Variants in ZC3H14 observed in about 807,000 individuals in gnomAD.
The protein encoded by ZC3H14 is zinc finger CCCH-type containing 14.
Under a neutral mutation model 92.4 loss-of-function variants are expected in ZC3H14, and 31 were observed. That is an observed-to-expected ratio of 0.34 (90% CI 0.25 to 0.45). The LOEUF (loss-of-function observed/expected upper bound fraction) is 0.45, where lower values mean the gene tolerates loss of function less well. Ranked by LOEUF, ZC3H14 falls within the 20% of genes least tolerant of loss-of-function variation. The probability of loss-of-function intolerance (pLI) is 1.00; values close to 1 mark genes in which losing one functional copy is unlikely to be tolerated. For missense variants in ZC3H14, 781 were observed against 897.3 expected (o/e 0.87, Z 1.66); for synonymous variants, 321 against 300.9 (o/e 1.07, Z -0.69).
chr14:88,567,162 C>T (rs1323485069), intron 2 of ZC3H14, among the ~76,000 whole-genome samples: 1 of 145,946 alleles, frequency 6.9e-6, no homozygotes, highest in African/African-American at 2.5e-5. Context: ...GTTGCCCAGG[C>T]TGGAGTGCAG....
intron 6 of ZC3H14, chr14:88,574,337 C>T (rs1171239890): frequency 7.0e-6 from 2 of 285,304 alleles, no homozygotes; most frequent in Non-Finnish European, 1.4e-5. Context: ...CCTCCACCTC[C>T]CGGGTTCAAG....
chr14:88,609,733 C>T lies in ZC3H14; in HGVS notation c.2027C>T (p.Pro676Leu), dbSNP rs778736204. The change falls in exon 15 of 17, where the codon CCT becomes CTT. Residue 676 changes from proline (P) to leucine (L), a missense_variant. Around this residue, in one of 3 missense-constraint regions of ZC3H14, gnomAD observed 221 missense variants for 304.7 expected, o/e 0.73. Transcript: ENST00000251038. ...TTAGCAGTTGCACCACCAGCACCAC[C>T]TTCCAGTAGTCAGCTCTGCCGTTAC... ...PKPAVAPPAP[P>L]SSSQLCRYFP... 3 of 1,614,168 alleles carry T rather than the reference C, an allele frequency of 1.9e-6. No homozygotes were observed. Among genetic ancestry groups the T allele is most frequent in the Admixed American group, 3.3e-5 (2 of 60,026 alleles).
In ZC3H14 at chr14:88,620,563, C is replaced by A; in HGVS notation, c.*8812C>A. On this transcript the variant is annotated 3_prime_UTR_variant, in exon 17 of 17. Coordinates refer to ENST00000251038, the MANE Select transcript of ZC3H14 (RefSeq NM_024824.5). This position sits in a 1 kb window ranked among gnomAD's most constrained non-coding sequence, Gnocchi z 4.3. ...CTAGTACTTGCTATTATAGTTGGTG[C>A]CCAGTGGGTTTATAATTTAGCAAGA... The A allele has an allele frequency of 2.2e-6, 1 of 456,392 alleles. No individual in the cohort carries two copies. Among genetic ancestry groups the A allele is most frequent in the Non-Finnish European group, 3.8e-6 (1 of 266,392 alleles). The allele number at this position is 456,392 out of a possible 1,614,324, so 28.3% of individuals were successfully genotyped here.
chr14:88,583,188 G>A (rs1276453734), intron 9 of ZC3H14, among the ~76,000 whole-genome samples: 1 of 148,824 alleles, frequency 6.7e-6, no homozygotes, highest in Admixed American at 6.8e-5. Context: ...CTAGAGTACA[G>A]TGGCACAATT....
chr14:88,609,679 A>C (rs759906007), intron 14 of ZC3H14, 33 bp from the exon 15 acceptor site: 4 of 1,612,076 alleles, frequency 2.5e-6, no homozygotes, highest in Non-Finnish European at 3.4e-6. Context: ...TTCCAAACAG[A>C]TTGGAGATCA....
intron 9 of ZC3H14, among the ~76,000 whole-genome samples, chr14:88,593,873 T>G (rs550895528): frequency 7.5e-4 from 105 of 139,376 alleles, no homozygotes; most frequent in Non-Finnish European, 1.4e-3. Context: ...TTTAGTATTT[T>G]TGTGTTTCAA....
chr14:88,585,780 A>C (rs530591380), intron 9 of ZC3H14, among the ~76,000 whole-genome samples: 8 of 152,304 alleles, frequency 5.3e-5, no homozygotes, highest in African/African-American at 1.9e-4. Context: ...CCCCACTCTC[A>C]AACAGTAAAA....
In ZC3H14 at chr14:88,572,973, T is replaced by A; in HGVS notation, c.827T>A (p.Phe276Tyr). Reference protein sequence around the residue: ...LNSLEETYSPFFRNNSEKMSM... With the variant: ...LNSLEETYSPYFRNNSEKMSM... ...AGCTTAGAAGAAACGTATAGTCCGT[T>A]CTTTAGAAACAACTCGGAGAAAATG... is the stretch of plus-strand genomic sequence containing the variant. Residue 276 changes from phenylalanine (F) to tyrosine (Y), a missense_variant, in exon 6 of 17, where the codon TTC becomes TAC. By Grantham distance (22) the Phe-to-Tyr change is conservative. Around this residue, in one of 3 missense-constraint regions of ZC3H14, gnomAD observed 454 missense variants for 438.5 expected, o/e 1.04. Coordinates refer to ENST00000251038, the MANE Select transcript of ZC3H14 (RefSeq NM_024824.5). 9 of 1,614,122 alleles carry A rather than the reference T, an allele frequency of 5.6e-6. No homozygotes were observed. The highest frequency in any genetic ancestry group is 7.6e-6 in the Non-Finnish European group (9 of 1,180,026).
intron 13 of ZC3H14, chr14:88,608,443 A>G: frequency 3.1e-6 from 1 of 319,316 alleles, no homozygotes; most frequent in African/African-American, 2.2e-5. Flanking sequence ...TTCTGTGGAC[A>G]AGTTTTTAGT....
At chr14:88,567,316 T>C (rs911090160) in intron 2 of ZC3H14, among the ~76,000 whole-genome samples, 4 of 151,640 alleles carry the variant, frequency 2.6e-5, no homozygotes, top group South Asian at 2.1e-4. Flanking sequence ...AGGGTTTCAC[T>C]GTGTTAGCCA....
At chr14:88,578,219 A>C (rs1260262843) in intron 9 of ZC3H14, 79 bp downstream of exon 9, 1 of 1,532,264 alleles carries the variant, frequency 6.5e-7, no homozygotes, top group Non-Finnish European at 9.0e-7. Flanking sequence ...GATTTTTATG[A>C]AATATTACAC....
chr14:88,602,512 A>G (rs531669866), intron 11 of ZC3H14, among the ~76,000 whole-genome samples: 1 of 152,182 alleles, frequency 6.6e-6, no homozygotes, highest in East Asian at 1.9e-4. Flanking sequence ...TGTTCTGAGC[A>G]TTGATGCTAA....
Position 88,616,389 on chromosome 14 carries a change from GAGT to G in ZC3H14, c.*4642_*4644del. 3.9e-6 allele frequency: 3 copies of G among 773,018 alleles called. No homozygotes were observed. The highest frequency in any genetic ancestry group is 6.4e-6 in the Non-Finnish European group (3 of 471,284). 47.9% of individuals were successfully genotyped at this position (773,018 alleles called of 1,614,324 possible). ...CAGTGATTAGAATGCTTTTCAGCAT[GAGT>G]AGTGGATCTGCAAAACCAGGCTGTG... On this transcript the variant is annotated 3_prime_UTR_variant, in exon 17 of 17. Coordinates refer to ENST00000251038, the MANE Select transcript of ZC3H14 (RefSeq NM_024824.5).
intron 1 of ZC3H14, chr14:88,563,412 C>T (rs2079122884): frequency 7.0e-7 from 1 of 1,429,678 alleles, no homozygotes; most frequent in East Asian, 2.6e-5. Context: ...CCGGCTGGAG[C>T]CACCACCGCG....
In ZC3H14 at chr14:88,611,916, T is replaced by TA; in HGVS notation, c.*167dup. ...TGAAGTGTCTAATTTTTCAAGTTTG[T>TA]AAGTTTATTATGTGGTTTTAACATT... is the stretch of plus-strand genomic sequence containing the variant. On this transcript the variant is annotated 3_prime_UTR_variant, in exon 17 of 17. Transcript: ENST00000251038. 1.1e-6 allele frequency: 1 copy of TA among 940,170 alleles called. No individual in the cohort carries two copies. Among genetic ancestry groups the TA allele is most frequent in the Non-Finnish European group, 1.6e-6 (1 of 624,368 alleles). 58.2% of individuals were successfully genotyped at this position (940,170 alleles called of 1,614,324 possible).
At chr14:88,606,154 A>G (rs1266331496) in intron 12 of ZC3H14, among the ~76,000 whole-genome samples, 1 of 152,214 alleles carries the variant, frequency 6.6e-6, no homozygotes, top group Non-Finnish European at 1.5e-5. Flanking sequence ...TGTAGCTGTA[A>G]TTTTACTTAT....
intron 10 of ZC3H14, among the ~76,000 whole-genome samples, chr14:88,597,270 C>T (rs1454395061): frequency 6.6e-6 from 1 of 152,164 alleles, no homozygotes; most frequent in East Asian, 1.9e-4. Flanking sequence ...TTGCCTGTCT[C>T]CTTTCCTCTC....
At chr14:88,583,698 A>G (rs2082170969) in intron 9 of ZC3H14, among the ~76,000 whole-genome samples, 1 of 152,344 alleles carries the variant, frequency 6.6e-6, no homozygotes, top group Middle Eastern at 3.4e-3. Flanking sequence ...TTTACAATGC[A>G]TAGTTTTTGA....
intron 9 of ZC3H14, among the ~76,000 whole-genome samples, chr14:88,594,114 T>C (rs945639428): frequency 6.6e-6 from 1 of 152,148 alleles, no homozygotes; most frequent in Non-Finnish European, 1.5e-5. Flanking sequence ...CTCCAGAGGA[T>C]TTGTCACTCT....
Sources: allele counts gnomAD v4.1 joint callset (sites outside exome capture counted in the v4.1 genomes callset), GRCh38; gene constraint gnomAD v4.1.1; regional missense constraint gnomAD v4.1.1; non-coding constraint Gnocchi (gnomAD v3.1); transcripts MANE v1.5; gene names NCBI Gene and HGNC (gene_info 2026-07-23, HGNC 2026-07-21).